Variants in SIRT1 observed in about 807,000 individuals in gnomAD.
SIRT1 encodes the protein sirtuin 1.
Under a neutral mutation model 67.9 loss-of-function variants are expected in SIRT1, and 24 were observed. The observed-to-expected ratio is 0.35, with a 90% CI of 0.26 to 0.50. The LOEUF is 0.50. SIRT1 is among the 20% of genes least tolerant of loss of function. The pLI, the probability that SIRT1 is intolerant of heterozygous loss-of-function variation, is 0.98. For missense variants in SIRT1, 873 were observed against 937.2 expected (o/e 0.93, Z 0.89); for synonymous variants, 378 against 350.7 (o/e 1.08, Z -0.87).
At chr10:67,902,130 A>G (rs1842754029) in intron 4 of SIRT1, among the ~76,000 whole-genome samples, 1 of 152,170 alleles carries the variant, frequency 6.6e-6, no homozygotes, top group African/African-American at 2.4e-5. Flanking sequence ...CTGGGATTAC[A>G]GGCGCCTGTC....
intron 8 of SIRT1, among the ~76,000 whole-genome samples, chr10:67,915,749 GGGTATCTAATGTA>G (rs1483313789): frequency 6.6e-6 from 1 of 152,090 alleles, no homozygotes; most frequent in Non-Finnish European, 1.5e-5. Flanking sequence ...AACACAAATT[GGGTATCTAATGTA>G]GGCTGGGCTG....
intron 4 of SIRT1, among the ~76,000 whole-genome samples, chr10:67,902,799 AAG>A (rs989700448): frequency 1.3e-5 from 2 of 152,206 alleles, no homozygotes; most frequent in African/African-American, 4.8e-5. Flanking sequence ...CTGATTTTTA[AAG>A]AGGGAATTTT....
chr10:67,911,458 A>G (rs1842897071), intron 7 of SIRT1, among the ~76,000 whole-genome samples: 1 of 152,034 alleles, frequency 6.6e-6, no homozygotes, highest in Non-Finnish European at 1.5e-5. Flanking sequence ...CTCTCAAAGC[A>G]TTAGGATTAC....
intron 6 of SIRT1, among the ~76,000 whole-genome samples, chr10:67,908,699 TGAGACCAGCCTGGC>T (rs1842855368): frequency 6.6e-6 from 1 of 152,112 alleles, no homozygotes; most frequent in Non-Finnish European, 1.5e-5. Flanking sequence ...AGGTCAGAAG[TGAGACCAGCCTGGC>T]CAACATGGCA....
At chr10:67,904,267 A>G (rs564666153) in intron 4 of SIRT1, among the ~76,000 whole-genome samples, 1 of 151,544 alleles carries the variant, frequency 6.6e-6, no homozygotes, top group Non-Finnish European at 1.5e-5. Context: ...TTCTGGGACT[A>G]CAGGCATGAA....
At chr10:67,886,196 C>T (rs1365194141) in intron 1 of SIRT1, among the ~76,000 whole-genome samples, 2 of 151,834 alleles carry the variant, frequency 1.3e-5, no homozygotes, top group Non-Finnish European at 2.9e-5. Flanking sequence ...CCGCCTCGGC[C>T]GCCCAAAGTG....
intron 4 of SIRT1, among the ~76,000 whole-genome samples, chr10:67,900,141 TTTTA>T (rs1009928072): frequency 1.1e-4 from 16 of 152,044 alleles, no homozygotes; most frequent in Non-Finnish European, 1.6e-4. Context: ...CAGCTTTATT[TTTTA>T]TTTATTTATT....
chr10:67,901,820 C>T (rs1473505486), intron 4 of SIRT1, among the ~76,000 whole-genome samples: 2 of 152,210 alleles, frequency 1.3e-5, no homozygotes, highest in East Asian at 3.8e-4. Flanking sequence ...TAATTTATTA[C>T]TTAAATCAAC....
chr10:67,895,069 C>T (rs927648402), intron 4 of SIRT1, among the ~76,000 whole-genome samples: 1 of 151,428 alleles, frequency 6.6e-6, no homozygotes, highest in Non-Finnish European at 1.5e-5. Flanking sequence ...ACAGTTGTTA[C>T]TCACATATAA....
In SIRT1 at chr10:67,892,828, C is replaced by T. The variant is rs376903064; in HGVS notation, c.942+1274C>T. ...GGTTGGCCAGGCTGGTGTTGAACTC[C>T]TGACTTCAGGTGATCCACCCTCCTC... On this transcript the variant is annotated intron_variant, in intron 4 of 8. Transcript: ENST00000212015. Among the ~76,000 whole-genome samples, 29 of 152,276 alleles carry T rather than the reference C, an allele frequency of 1.9e-4. No individual in the cohort carries two copies. In the East Asian group the frequency reaches 4.4e-3, roughly 23 times the overall value.
chr10:67,914,490 A>G (rs895224830), intron 8 of SIRT1, among the ~76,000 whole-genome samples: 31 of 152,208 alleles, frequency 2.0e-4, no homozygotes, highest in Admixed American at 9.2e-4. Flanking sequence ...TAGAAAAAGC[A>G]TAGAGGGATG....
At chr10:67,910,595 C>G (rs1476329713) in intron 7 of SIRT1, among the ~76,000 whole-genome samples, 2 of 151,948 alleles carry the variant, frequency 1.3e-5, no homozygotes, top group African/African-American at 4.8e-5. Flanking sequence ...TTAATAAATT[C>G]AAATGTATAG....
chr10:67,904,122 TG>T (rs1335678313), intron 4 of SIRT1, among the ~76,000 whole-genome samples: 444 of 138,942 alleles, frequency 3.2e-3, no homozygotes, highest in African/African-American at 0.012. Flanking sequence ...TAGTTTTTTT[TG>T]TTTGTTTTTT....
At chr10:67,910,336 C>G (rs1311455378) in intron 7 of SIRT1, among the ~76,000 whole-genome samples, 1 of 152,156 alleles carries the variant, frequency 6.6e-6, no homozygotes, top group East Asian at 1.9e-4. Flanking sequence ...GAATGTGCCA[C>G]TGCACTCCAG....
chr10:67,904,345 C>A (rs866880409), intron 4 of SIRT1, among the ~76,000 whole-genome samples: 7 of 151,582 alleles, frequency 4.6e-5, no homozygotes, highest in African/African-American at 1.7e-4. Context: ...CCATGTTGCC[C>A]AGGCTGGTCT....
intron 4 of SIRT1, among the ~76,000 whole-genome samples, chr10:67,895,636 A>G (rs1213490595): frequency 6.6e-6 from 1 of 150,944 alleles, no homozygotes; most frequent in African/African-American, 2.5e-5. Flanking sequence ...AAATTTAGAT[A>G]CTTCAGAAGG....
chr10:67,909,742 T>C (rs940775669), intron 7 of SIRT1, among the ~76,000 whole-genome samples: 1 of 151,818 alleles, frequency 6.6e-6, no homozygotes, highest in African/African-American at 2.4e-5. Context: ...GCCTGGCTAG[T>C]TTTTGTATTT....
intron 4 of SIRT1, among the ~76,000 whole-genome samples, chr10:67,904,575 G>A (rs1842792884): frequency 1.3e-5 from 2 of 152,198 alleles, no homozygotes; most frequent in Non-Finnish European, 2.9e-5. Flanking sequence ...GCCGGGTGCA[G>A]TGGCTCACGC....
intron 8 of SIRT1, among the ~76,000 whole-genome samples, chr10:67,913,562 C>T (rs756976993): frequency 1.1e-4 from 16 of 152,112 alleles, no homozygotes; most frequent in Non-Finnish European, 1.6e-4. Flanking sequence ...AAAAAACACG[C>T]GTGATTCTTC....
Sources: gnomAD v4.1 joint callset for allele counts (sites outside exome capture counted in the v4.1 genomes callset) on GRCh38, gnomAD v4.1.1 for gene constraint, MANE v1.5 for transcripts, NCBI Gene and HGNC (gene_info 2026-07-23, HGNC 2026-07-21) for gene names.